Variants in FRMD4A observed in about 807,000 individuals in gnomAD.
FRMD4A encodes the protein FERM domain-containing protein 4A.
A neutral mutation model predicts 129.1 loss-of-function variants in FRMD4A; 29 were observed. That is an observed-to-expected ratio of 0.22 (90% confidence interval 0.17 to 0.31). The LOEUF (loss-of-function observed/expected upper bound fraction) is 0.31, where lower values mean the gene tolerates loss of function less well. FRMD4A is among the 10% of genes least tolerant of loss of function. The pLI, the probability that FRMD4A is intolerant of heterozygous loss-of-function variation, is 1.00. For synonymous variants in FRMD4A, 634 were observed against 571.6 expected, an observed-to-expected ratio of 1.11 and a Z score of -1.56; for missense variants, 1,272 against 1,375.8, an observed-to-expected ratio of 0.92 and a Z score of 1.19.
intron 2 of FRMD4A, among the ~76,000 whole-genome samples, chr10:13,975,850 G>A (rs1055628089): frequency 3.9e-4 from 59 of 152,192 alleles, no homozygotes; most frequent in Non-Finnish European, 6.6e-4. Flanking sequence ...CTGTGACGAA[G>A]CTGGAGCAAG....
At chr10:14,281,442 C>T (rs1033699267) in intron 2 of FRMD4A, among the ~76,000 whole-genome samples, 19 of 152,224 alleles carry the variant, frequency 1.2e-4, no homozygotes, top group Admixed American at 3.9e-4. Flanking sequence ...TGGAAGAAAC[C>T]AACCCTGCTG....
chr10:14,019,284 A>G (rs1832623217), intron 2 of FRMD4A, among the ~76,000 whole-genome samples: 2 of 152,252 alleles, frequency 1.3e-5, no homozygotes, highest in South Asian at 4.1e-4. Flanking sequence ...GGAGTTACAT[A>G]GCTCTATTGA....
At position 13,828,812 on chromosome 10, in the gene FRMD4A, G is replaced by C. The variant is rs143450840; in HGVS notation, c.112-17904C>G. 6.8e-3 allele frequency among the ~76,000 whole-genome samples: 1,034 copies of C among 152,282 alleles called. 14 individuals are homozygous for C. The highest frequency in any genetic ancestry group is 0.023 in the African/African-American group (963 of 41,562). ...CTCGCAAAGTGCTGGGATTACAGGC[G>C]TGAGCCACTGCACCAGGCCACCACG... On this transcript the variant is annotated intron_variant, in intron 3 of 24. Coordinates refer to ENST00000357447, the MANE Select transcript of FRMD4A (RefSeq NM_018027.5).
At chr10:14,106,788 T>C (rs1175836373) in intron 2 of FRMD4A, among the ~76,000 whole-genome samples, 2 of 152,216 alleles carry the variant, frequency 1.3e-5, no homozygotes, top group East Asian at 3.8e-4. Context: ...TAAAAGTTGC[T>C]TTGCAGTTTG....
At chr10:14,144,177 C>G (rs1057458647) in intron 2 of FRMD4A, among the ~76,000 whole-genome samples, 2 of 152,136 alleles carry the variant, frequency 1.3e-5, no homozygotes, top group African/African-American at 4.8e-5. Context: ...ACCTTCAAAA[C>G]TTTTTCCTTG....
At chr10:14,185,691 C>T (rs964977003) in intron 2 of FRMD4A, among the ~76,000 whole-genome samples, 72 of 152,280 alleles carry the variant, frequency 4.7e-4, no homozygotes, top group Non-Finnish European at 3.5e-4. Context: ...AGGATAGCAG[C>T]AGCTCAACAG....
At chr10:13,704,438 A>C (rs560332526) in intron 13 of FRMD4A, among the ~76,000 whole-genome samples, 3 of 151,136 alleles carry the variant, frequency 2.0e-5, no homozygotes, top group Admixed American at 1.3e-4. Context: ...CTCCAGCCAG[A>C]CCCTCCCTCA....
chr10:14,085,390 T>C (rs780373606), intron 2 of FRMD4A, among the ~76,000 whole-genome samples: 2 of 152,226 alleles, frequency 1.3e-5, no homozygotes, highest in Non-Finnish European at 2.9e-5. Context: ...CAGCAGGACG[T>C]TGGCTTTCAG....
chr10:13,817,364 A>C (rs1193576918), intron 3 of FRMD4A, among the ~76,000 whole-genome samples: 1 of 152,244 alleles, frequency 6.6e-6, no homozygotes, highest in Admixed American at 6.5e-5. Flanking sequence ...GTTCCAGATC[A>C]GGTCCTGACT....
chr10:13,679,564 G>C (rs1488066158), intron 15 of FRMD4A, among the ~76,000 whole-genome samples: 2 of 147,056 alleles, frequency 1.4e-5, no homozygotes, highest in Non-Finnish European at 3.0e-5. Context: ...AGGTCTTTGG[G>C]GCAGCTATGG....
intron 8 of FRMD4A, among the ~76,000 whole-genome samples, chr10:13,754,847 C>T (rs375398522): frequency 2.6e-5 from 4 of 152,100 alleles, no homozygotes; most frequent in African/African-American, 9.7e-5. Flanking sequence ...TATCTAAAAG[C>T]CTCAGCAAGT....
chr10:13,804,961 T>C (rs2093334794), intron 4 of FRMD4A, among the ~76,000 whole-genome samples: 1 of 152,142 alleles, frequency 6.6e-6, no homozygotes, highest in Admixed American at 6.5e-5. Flanking sequence ...AAAAGATCCT[T>C]AATTGTTTAC....
intron 2 of FRMD4A, among the ~76,000 whole-genome samples, chr10:14,041,554 G>A (rs1435254534): frequency 3.3e-5 from 5 of 152,104 alleles, no homozygotes; most frequent in East Asian, 1.9e-4. Context: ...GCGTCTAGGC[G>A]TATACCCAAA....
At chr10:14,259,981 A>C (rs564167703) in intron 2 of FRMD4A, among the ~76,000 whole-genome samples, 2 of 151,812 alleles carry the variant, frequency 1.3e-5, no homozygotes, top group African/African-American at 4.8e-5. Flanking sequence ...GAAAAAAAGA[A>C]TCTCTAAGGA....
intron 2 of FRMD4A, among the ~76,000 whole-genome samples, chr10:14,134,910 A>T (rs927688936): frequency 6.6e-6 from 1 of 152,244 alleles, no homozygotes; most frequent in Non-Finnish European, 1.5e-5. Context: ...GGTTAAAAAC[A>T]CATGACCACA....
chr10:13,829,308 T>C (rs1158905819), intron 3 of FRMD4A, among the ~76,000 whole-genome samples: 1 of 152,112 alleles, frequency 6.6e-6, no homozygotes, highest in Non-Finnish European at 1.5e-5. Context: ...GAAGACTCCT[T>C]GAGGCCAGGA....
At chr10:13,890,196 G>A (rs548631069) in intron 2 of FRMD4A, among the ~76,000 whole-genome samples, 5 of 152,200 alleles carry the variant, frequency 3.3e-5, no homozygotes, top group African/African-American at 7.2e-5. Context: ...TTAATGCTAC[G>A]AATGGGCTTG....
chr10:13,704,089 G>C (rs139830578), intron 13 of FRMD4A, among the ~76,000 whole-genome samples: 3 of 152,164 alleles, frequency 2.0e-5, no homozygotes, highest in African/African-American at 7.2e-5. Flanking sequence ...CATGTTCTAT[G>C]CATGTAACGC....
intron 2 of FRMD4A, among the ~76,000 whole-genome samples, chr10:14,142,467 G>C (rs2131843721): frequency 6.6e-6 from 1 of 152,324 alleles, no homozygotes; most frequent in East Asian, 1.9e-4. Context: ...TGCCCTAAGA[G>C]ATTTAAGAGA....
Sources: gnomAD v4.1 joint callset for allele counts (sites outside exome capture counted in the v4.1 genomes callset) on GRCh38, gnomAD v4.1.1 for gene constraint, MANE v1.5 for transcripts, NCBI Gene and HGNC (gene_info 2026-07-23, HGNC 2026-07-21) for gene names.